FRMPD4: variants seen among roughly 807,000 people sequenced by gnomAD.
FRMPD4 encodes FERM and PDZ domain containing 4.
FRMPD4 carries 22 observed loss-of-function variants against 94.1 expected under a neutral mutation model. The ratio of observed to expected loss-of-function variants is 0.23; its 90% CI spans 0.17 to 0.33. The LOEUF is 0.33. Among genes scored for constraint, FRMPD4 ranks in the 10% least tolerant of loss-of-function variants. The probability of loss-of-function intolerance (pLI) is 1.00; values close to 1 mark genes in which losing one functional copy is unlikely to be tolerated. For synonymous variants in FRMPD4, 631 were observed against 548.6 expected (o/e 1.15, Z -2.10); for missense variants, 1,111 against 1,339.9 (o/e 0.83, Z 2.67).
intron 1 of FRMPD4, among the ~76,000 whole-genome samples, chrX:12,478,598 C>T (rs748358773): frequency 5.4e-5 from 6 of 110,979 alleles, no homozygotes; most frequent in South Asian, 7.6e-4. Flanking sequence ...AAAAGAAACC[C>T]GAGTAAAGTA....
chrX:11,946,666 A>G (rs920112729), intron 3 of FRMPD4, among the ~76,000 whole-genome samples: 1 of 111,176 alleles, frequency 9.0e-6, no homozygotes, highest in Admixed American at 9.6e-5. Flanking sequence ...GGAGATTAGC[A>G]TTTGCATTGG....
At chrX:12,623,688 A>T (rs1397562832) in intron 4 of FRMPD4, among the ~76,000 whole-genome samples, 1 of 106,406 alleles carries the variant, frequency 9.4e-6, no homozygotes, top group Non-Finnish European at 1.9e-5. Context: ...AGCAGAATCA[A>T]TCCAAAGACT....
chrX:12,267,749 GA>G (rs1163063039), intron 1 of FRMPD4, among the ~76,000 whole-genome samples: 1 of 112,639 alleles, frequency 8.9e-6, no homozygotes, highest in Non-Finnish European at 1.9e-5. Context: ...AGCAGAGGGG[GA>G]AAGGTTGATG....
chrX:12,272,504 C>G (rs2054369784), intron 1 of FRMPD4, among the ~76,000 whole-genome samples: 1 of 111,403 alleles, frequency 9.0e-6, no homozygotes. Context: ...GATACCTGAG[C>G]AGCATCTGAT....
At chrX:12,009,085 G>A in intron 3 of FRMPD4, among the ~76,000 whole-genome samples, 1 of 111,768 alleles carries the variant, frequency 8.9e-6, no homozygotes, top group South Asian at 3.8e-4. Context: ...TTCTCACTGG[G>A]CAGAAATAAG....
At chrX:12,544,122 A>G (rs1299579131) in intron 2 of FRMPD4, among the ~76,000 whole-genome samples, 1 of 107,066 alleles carries the variant, frequency 9.3e-6, no homozygotes, top group African/African-American at 3.4e-5. Flanking sequence ...GCATTAGGAG[A>G]TATACCTAAT....
chrX:12,056,837 A>G (rs913828849), intron 3 of FRMPD4, among the ~76,000 whole-genome samples: 2 of 111,966 alleles, frequency 1.8e-5, no homozygotes, highest in Non-Finnish European at 3.8e-5. Flanking sequence ...ATTGATAGGT[A>G]TATGGGGTGT....
intron 3 of FRMPD4, among the ~76,000 whole-genome samples, chrX:11,896,000 AG>A (rs1411887652): frequency 8.9e-6 from 1 of 112,395 alleles, no homozygotes; most frequent in Non-Finnish European, 1.9e-5. Flanking sequence ...AAGGGCTCAA[AG>A]ATTCTTTCCT....
intron 2 of FRMPD4, among the ~76,000 whole-genome samples, chrX:12,575,314 CT>C (rs35769840): frequency 1.8e-3 from 181 of 97,965 alleles, no homozygotes; most frequent in Admixed American, 2.8e-3. Context: ...AAGTAAAGGT[CT>C]TTTTTTTTTT....
chrX:12,280,451 C>T (rs903628217), intron 1 of FRMPD4, among the ~76,000 whole-genome samples: 1 of 109,680 alleles, frequency 9.1e-6, no homozygotes, highest in Admixed American at 9.7e-5. Flanking sequence ...CCTCTAGAAC[C>T]TGAAAAAACC....
intron 1 of FRMPD4, among the ~76,000 whole-genome samples, chrX:12,267,489 A>G (rs1326201590): frequency 8.9e-6 from 1 of 112,658 alleles, no homozygotes; most frequent in African/African-American, 3.2e-5. Flanking sequence ...TGATAAATTT[A>G]GTAACAAATT....
At chrX:12,281,284 A>C in intron 1 of FRMPD4, among the ~76,000 whole-genome samples, 1 of 112,171 alleles carries the variant, frequency 8.9e-6, no homozygotes, top group Middle Eastern at 4.6e-3. Flanking sequence ...ACTATACAAA[A>C]GAATAGAGCA....
intron 1 of FRMPD4, among the ~76,000 whole-genome samples, chrX:12,238,097 T>C (rs2057090561): frequency 8.9e-6 from 1 of 112,043 alleles, no homozygotes; most frequent in Non-Finnish European, 1.9e-5. Flanking sequence ...AAATGTTTAC[T>C]GGCCCTTTAT....
At chrX:12,225,538 A>G (rs2056913296) in intron 1 of FRMPD4, among the ~76,000 whole-genome samples, 2 of 112,370 alleles carry the variant, frequency 1.8e-5, no homozygotes, top group Admixed American at 1.9e-4. Context: ...TGTAATTCAG[A>G]CATGAATAGA....
chrX:11,994,073 C>A (rs1353803324), intron 3 of FRMPD4, among the ~76,000 whole-genome samples: 1 of 110,562 alleles, frequency 9.0e-6, no homozygotes, highest in Non-Finnish European at 1.9e-5. Flanking sequence ...AGTGATTTTG[C>A]CCCCCCAGAA....
chrX:12,289,852 A>G (rs1275776521), intron 1 of FRMPD4, among the ~76,000 whole-genome samples: 1 of 112,073 alleles, frequency 8.9e-6, no homozygotes, highest in East Asian at 2.8e-4. Flanking sequence ...GAATCCAGAT[A>G]AATACAGTAT....
intron 1 of FRMPD4, among the ~76,000 whole-genome samples, chrX:12,170,277 G>T (rs915758871): frequency 9.1e-6 from 1 of 109,293 alleles, no homozygotes; most frequent in Non-Finnish European, 1.9e-5. Flanking sequence ...AGGAATTATG[G>T]TTGTCAATCA....
At chrX:12,309,284 A>G (rs5979574) in intron 1 of FRMPD4, among the ~76,000 whole-genome samples, 7,758 of 111,222 alleles carry the variant, frequency 0.07, 672 homozygotes, top group African/African-American at 0.24. Context: ...ATTTGTCTAC[A>G]TGTAACTGTC....
At chrX:12,517,150 A>G (rs2058108070) in intron 2 of FRMPD4, among the ~76,000 whole-genome samples, 1 of 110,581 alleles carries the variant, frequency 9.0e-6, no homozygotes, top group Non-Finnish European at 1.9e-5. Flanking sequence ...GGGTTAGAAC[A>G]TACTCCTTTA....
Sources: allele counts gnomAD v4.1 joint callset (sites outside exome capture counted in the v4.1 genomes callset), GRCh38; gene constraint gnomAD v4.1.1; transcripts MANE v1.5; gene names NCBI Gene and HGNC (gene_info 2026-07-23, HGNC 2026-07-21).